The following MYO7B variants were observed in gnomAD, a reference collection of about 807,000 sequenced individuals.
MYO7B encodes unconventional myosin-VIIb.
A neutral mutation model predicts 259.7 loss-of-function variants in MYO7B; 212 were observed. The ratio of observed to expected loss-of-function variants is 0.82; its 90% CI spans 0.73 to 0.91. The LOEUF (loss-of-function observed/expected upper bound fraction) is 0.91, where lower values mean the gene tolerates loss of function less well. Ranked by LOEUF, MYO7B falls within the 40% of genes least tolerant of loss-of-function variation. The pLI is 0.00. For missense variants in MYO7B, 2,732 were observed against 2,813.5 expected (o/e 0.97, Z 0.66); for synonymous variants, 1,197 against 1,166.4 (o/e 1.03, Z -0.54).
rs903585546 is a variant in MYO7B, at chr2:127,584,632, C to G, written c.1555-146C>G. On this transcript the variant is annotated intron_variant, in intron 13 of 47. Coordinates refer to ENST00000409816, the MANE Select transcript of MYO7B (RefSeq NM_001393586.1). This position sits in a 1 kb window ranked among gnomAD's most constrained non-coding sequence, Gnocchi z 5.8. Reference sequence around the variant, plus strand: ...TCACTCCCTGCAACAAGTCACTGACCCCTGGGCATTAGTTTCCTGTCTGTA... The same window carrying G: ...TCACTCCCTGCAACAAGTCACTGACGCCTGGGCATTAGTTTCCTGTCTGTA... The G allele has an allele frequency of 3.0e-6, 3 of 994,084 alleles. No homozygotes were observed. Among genetic ancestry groups the G allele is most frequent in the Admixed American group, 5.4e-5 (2 of 37,276 alleles). 61.6% of individuals were successfully genotyped at this position (994,084 alleles called of 1,614,324 possible). A position where few individuals can be genotyped will look rare whatever the true frequency, so the allele number is the denominator to read the frequency against.
At position 127,576,234 on chromosome 2, in the gene MYO7B, C is replaced by A. The variant is rs532794430; in HGVS notation, c.736-361C>A. Among the ~76,000 whole-genome samples, 1 of 152,006 alleles carries A rather than the reference C, an allele frequency of 6.6e-6. No individual in the cohort carries two copies. The highest frequency in any genetic ancestry group is 2.4e-5 in the African/African-American group (1 of 41,388). ...AAAATACTGAAGGCCTAGGGAGCCC[C>A]GTGGCTGTCAGATCTCTCGTGGGCC... On this transcript the variant is annotated intron_variant, in intron 7 of 47. Transcript: ENST00000409816. The surrounding 1 kb of genome is among the most constrained non-coding windows in gnomAD (Gnocchi z 4.9).
At position 127,546,403 on chromosome 2, in the gene MYO7B, T is replaced by C. The variant is rs1693229937; in HGVS notation, c.-24+10572T>C. 6.6e-6 allele frequency among the ~76,000 whole-genome samples: 1 copy of C among 152,164 alleles called. No individual in the cohort carries two copies. The highest frequency in any genetic ancestry group is 2.1e-4 in the South Asian group (1 of 4,820). The stretch of plus-strand genomic sequence containing the variant: ...CTGTCCTGGTCCAGCAATGCTTTGA[T>C]CTTCCCTGCACCTCCACCTCCCCAC... On this transcript the variant is annotated intron_variant, in intron 1 of 47. Transcript: ENST00000409816. This position sits in a 1 kb window ranked among gnomAD's most constrained non-coding sequence, Gnocchi z 4.2.
chr2:127,625,089 C>T (rs1408671952), intron 30 of MYO7B, among the ~76,000 whole-genome samples: 1 of 152,192 alleles, frequency 6.6e-6, no homozygotes, highest in Non-Finnish European at 1.5e-5. Flanking sequence ...GAGGAAACGC[C>T]TTGTCACTCA....
Position 127,559,875 on chromosome 2 carries a change from C to A in MYO7B, c.18+135C>A. On this transcript the variant is annotated intron_variant, in intron 2 of 47. Coordinates refer to ENST00000409816, the MANE Select transcript of MYO7B (RefSeq NM_001393586.1). This position sits in a 1 kb window ranked among gnomAD's most constrained non-coding sequence, Gnocchi z 4.1. ...ACCAGAGACAGGGGAGTTTAGGAAA[C>A]ACGACAGATTCTAGCATCTAAAGAA... The A allele has an allele frequency of 1.9e-6, 2 of 1,053,752 alleles. No individual in the cohort carries two copies. The highest frequency in any genetic ancestry group is 2.9e-6 in the Non-Finnish European group (2 of 680,706). 65.3% of individuals were successfully genotyped at this position (1,053,752 alleles called of 1,614,324 possible).
chr2:127,600,139 A>G (rs1287732901), intron 19 of MYO7B, among the ~76,000 whole-genome samples: 2 of 152,190 alleles, frequency 1.3e-5, no homozygotes, highest in Non-Finnish European at 2.9e-5. Flanking sequence ...GAATTTTTTT[A>G]TAGAGAGTTT....
rs570206633 is a variant in MYO7B, at chr2:127,571,708, G to A, written c.592+1798G>A. 1.1e-4 allele frequency among the ~76,000 whole-genome samples: 16 copies of A among 151,982 alleles called. No individual in the cohort carries two copies. The East Asian group carries it at 2.1e-3, about 20-fold the overall frequency. On this transcript the variant is annotated intron_variant, in intron 6 of 47. Coordinates refer to ENST00000409816, the MANE Select transcript of MYO7B (RefSeq NM_001393586.1). ...TTAGTCAGGCTGGTCTCAAACTCCC[G>A]ACCTCAGGTGATCCACCCGCCTCGG... is the stretch of plus-strand genomic sequence containing the variant.
Position 127,548,519 on chromosome 2 carries a change from G to A in MYO7B, c.-23-11181G>A, listed in dbSNP as rs942379956. ...CCACCTCTGCCTCCCAGGTTCAAGC[G>A]ATTCTCCTGCCTCAGCCTCCTGAGT... On this transcript the variant is annotated intron_variant, in intron 1 of 47. Coordinates refer to ENST00000409816, the MANE Select transcript of MYO7B (RefSeq NM_001393586.1). Among the ~76,000 whole-genome samples, 7 of 151,138 alleles carry A rather than the reference G, an allele frequency of 4.6e-5. No homozygotes were observed. The East Asian group carries it at 1.2e-3, about 25-fold the overall frequency.
In MYO7B at chr2:127,588,380, G is replaced by T. The variant is rs747051365; in HGVS notation, c.1691-12G>T. The T allele has an allele frequency of 1.2e-6, 2 of 1,611,768 alleles. No homozygotes were observed. Among genetic ancestry groups the T allele is most frequent in the Non-Finnish European group, 1.7e-6 (2 of 1,179,434 alleles). ...TAAGCTGGGATGCTGGGTGGGCCCT[G>T]TGTCTCCACAGGCTTCCTGGAGAAG... On this transcript the variant is annotated splice_polypyrimidine_tract_variant and intron_variant, in intron 14 of 47. Transcript: ENST00000409816.
In MYO7B at chr2:127,634,674, C is replaced by T; in HGVS notation, c.5704C>T (p.Gln1902Ter). 1.2e-6 allele frequency: 2 copies of T among 1,610,418 alleles called. No individual in the cohort carries two copies. The highest frequency in any genetic ancestry group is 1.7e-6 in the Non-Finnish European group (2 of 1,179,042). Residue 1902 changes from glutamine to a stop codon, truncating the protein, a stop_gained, in exon 42 of 48, where the codon CAG becomes TAG. Coordinates refer to ENST00000409816, the MANE Select transcript of MYO7B (RefSeq NM_001393586.1). LOFTEE classifies it high-confidence loss of function. ...VSDWVKKNKP[Q>*]KEGAPVTLPY... ...TGACTGGGTGAAGAAGAACAAGCCC[C>T]AGAAAGAAGGTGAGGAGGCCTCTGT...
rs754086209 is a variant in MYO7B at position 127,629,789 on chromosome 2, C to G, written c.4769C>G (p.Thr1590Ser). Reference protein sequence around the residue: ...TGLVPMACLYTIPTVTKPSAQ... With the variant: ...TGLVPMACLYSIPTVTKPSAQ... ...CTGGTGCCCATGGCCTGCCTCTACACCATCCCCACGGTCACTAAGCCCTCG... is the reference window on the plus strand; with the variant it reads ...CTGGTGCCCATGGCCTGCCTCTACAGCATCCCCACGGTCACTAAGCCCTCG... The change falls in exon 35 of 48, where the codon ACC (threonine) becomes AGC (serine). Residue 1590 changes from threonine (T) to serine (S), a missense_variant. By Grantham distance (58) the Thr-to-Ser change is moderately conservative (BLOSUM62 1). Around this residue, in one of 3 missense-constraint regions of MYO7B, gnomAD observed 821 missense variants for 769.3 expected, o/e 1.07. Coordinates refer to ENST00000409816, the MANE Select transcript of MYO7B (RefSeq NM_001393586.1). 1 of 1,594,522 alleles carries G rather than the reference C, an allele frequency of 6.3e-7. No individual in the cohort carries two copies. The highest frequency in any genetic ancestry group is 1.1e-5 in the South Asian group (1 of 89,028).
intron 1 of MYO7B, among the ~76,000 whole-genome samples, chr2:127,538,273 G>A (rs1199922111): frequency 6.6e-6 from 1 of 152,042 alleles, no homozygotes; most frequent in Non-Finnish European, 1.5e-5. Context: ...GGTTGAGGGG[G>A]GTGGTAAGAT....
rs773791647 is a variant in MYO7B, at chr2:127,628,414, TGAG to T, written c.4507_4509del (p.Glu1503del). ...AGAGGCTGCTGCTCTCCACGATGCA[TGAG>T]GAGTACGAGTTTGTGTCACCCAGCA... On this transcript the variant is annotated inframe_deletion, in exon 34 of 48. Transcript: ENST00000409816. This position sits in a 1 kb window ranked among gnomAD's most constrained non-coding sequence, Gnocchi z 4.8. The T allele has an allele frequency of 1.9e-6, 3 of 1,600,570 alleles. No homozygotes were observed. In the Admixed American group the frequency reaches 5.1e-5, roughly 27 times the overall value.
Position 127,618,269 on chromosome 2 carries a change from C to G in MYO7B, c.3399-2071C>G, listed in dbSNP as rs191506485. Among the ~76,000 whole-genome samples, 592 of 152,172 alleles carry G rather than the reference C, an allele frequency of 3.9e-3. 5 individuals are homozygous for G. The highest frequency in any genetic ancestry group is 4.5e-3 in the Non-Finnish European group (305 of 67,994). On this transcript the variant is annotated intron_variant, in intron 26 of 47. Coordinates refer to ENST00000409816, the MANE Select transcript of MYO7B (RefSeq NM_001393586.1). Reference sequence around the variant, plus strand: ...ACGAGACGGAACGAAGGGGGATGAACGTAGAAATGAAAACTTAAAACAAAA... The same window carrying G: ...ACGAGACGGAACGAAGGGGGATGAAGGTAGAAATGAAAACTTAAAACAAAA...
chr2:127,564,655 G>A (rs1193697533), intron 3 of MYO7B, among the ~76,000 whole-genome samples: 2 of 152,128 alleles, frequency 1.3e-5, no homozygotes, highest in Non-Finnish European at 2.9e-5. Context: ...GAGGGGTCAG[G>A]GCCAGCTAGG....
intron 1 of MYO7B, among the ~76,000 whole-genome samples, chr2:127,537,857 C>T (rs923984786): frequency 9.2e-5 from 14 of 152,144 alleles, no homozygotes; most frequent in Admixed American, 7.2e-4. Context: ...GGACACTTGG[C>T]ACATGCTGAA....
intron 19 of MYO7B, among the ~76,000 whole-genome samples, chr2:127,602,143 G>A (rs548936576): frequency 2.0e-5 from 3 of 151,900 alleles, no homozygotes; most frequent in African/African-American, 4.8e-5. Context: ...TATCTACAAT[G>A]TGTTAGAGTA....
chr2:127,596,076 T>G (rs1679759327), intron 18 of MYO7B, among the ~76,000 whole-genome samples: 1 of 152,194 alleles, frequency 6.6e-6, no homozygotes, highest in South Asian at 2.1e-4. Context: ...CTCCCACTAT[T>G]ATTGAGGGTA....
At position 127,593,566 on chromosome 2, in the gene MYO7B, G is replaced by C; in HGVS notation, c.2166G>C (p.Gln722His). The change falls in exon 18 of 48, where the codon CAG becomes CAC. Residue 722 changes from glutamine to histidine, a missense_variant. Gln to His is a conservative substitution (Grantham distance 24, BLOSUM62 0). Around this residue, in one of 3 missense-constraint regions of MYO7B, gnomAD observed 1,906 missense variants for 2,026.4 expected, o/e 0.94. Transcript: ENST00000409816. Reference sequence around the variant, plus strand: ...GGCAGCTGCAAGGCAAGCTCCGCCAGATGACCCTGGGCATCACTGACGTGT... The same window carrying C: ...GGCAGCTGCAAGGCAAGCTCCGCCACATGACCCTGGGCATCACTGACGTGT... ...MRMQLQGKLR[Q>H]MTLGITDVWL... 6.2e-7 allele frequency: 1 copy of C among 1,613,430 alleles called. No homozygotes were observed. Among genetic ancestry groups the C allele is most frequent in the Non-Finnish European group, 8.5e-7 (1 of 1,179,672 alleles).
At chr2:127,543,318 T>C (rs954608655) in intron 1 of MYO7B, among the ~76,000 whole-genome samples, 2 of 151,820 alleles carry the variant, frequency 1.3e-5, no homozygotes, top group African/African-American at 4.9e-5. Flanking sequence ...CATACGGCCT[T>C]CAAGCACTTT....
Sources: gnomAD v4.1 joint callset for allele counts (sites outside exome capture counted in the v4.1 genomes callset) on GRCh38, gnomAD v4.1.1 for gene constraint, gnomAD v4.1.1 regional missense constraint, Gnocchi (gnomAD v3.1) non-coding constraint, MANE v1.5 for transcripts, NCBI Gene and HGNC (gene_info 2026-07-23, HGNC 2026-07-21) for gene names.